The following LAMB3 variants were observed in gnomAD, a reference collection of about 807,000 sequenced individuals.
The protein encoded by LAMB3 is laminin subunit beta-3.
In LAMB3, 104 loss-of-function variants were observed where a neutral mutation model predicts 140.3. The observed-to-expected ratio is 0.74, with a 90% CI of 0.63 to 0.87. LAMB3 has a LOEUF of 0.87. LAMB3 is among the 40% of genes least tolerant of loss of function. The probability of loss-of-function intolerance (pLI) is 0.00; values close to 1 mark genes in which losing one functional copy is unlikely to be tolerated. For synonymous variants in LAMB3, 592 were observed against 602.9 expected (o/e 0.98, Z 0.26); for missense variants, 1,531 against 1,575.2 (o/e 0.97, Z 0.47).
intron 18 of LAMB3, among the ~76,000 whole-genome samples, chr1:209,621,727 C>A (rs957774912): frequency 6.6e-6 from 1 of 152,176 alleles, no homozygotes; most frequent in Non-Finnish European, 1.5e-5. Context: ...CACGAGTCTC[C>A]CGGGTCCTGT....
chr1:209,616,600 A>G lies in LAMB3; in HGVS notation c.3253T>C (p.Tyr1085His). The change falls in exon 22 of 23, where the codon TAT becomes CAT. Residue 1085 changes from tyrosine (Y) to histidine (H), a missense_variant. Tyr to His is a moderately conservative substitution (Grantham distance 83). Coordinates refer to ENST00000356082, the MANE Select transcript of LAMB3 (RefSeq NM_000228.3). Reference sequence around the variant, plus strand: ...CCCAACCGGTCCTTCAACTCAGCATACTTTTGTTTTATTCTCTCAAATCCC... The same window carrying G: ...CCCAACCGGTCCTTCAACTCAGCATGCTTTTGTTTTATTCTCTCAAATCCC... ...QEGFERIKQK[Y>H]AELKDRLGQS... 1.2e-6 allele frequency: 2 copies of G among 1,614,048 alleles called. No individual in the cohort carries two copies. The highest frequency in any genetic ancestry group is 1.1e-5 in the South Asian group (1 of 91,076).
chr1:209,632,622 G>C lies in LAMB3; in HGVS notation c.783C>G (p.Pro261=). ...FCHGHADRCA[P]KPGASAGPST... Reference sequence around the variant, plus strand: ...AGGGGCCTGCAGAGGCCCCAGGCTTGGGTGCGCAGCGATCAGCATGGCCGT... The same window carrying C: ...AGGGGCCTGCAGAGGCCCCAGGCTTCGGTGCGCAGCGATCAGCATGGCCGT... Residue 261 remains proline, a synonymous_variant, in exon 8 of 23, where the codon CCC becomes CCG. Transcript: ENST00000356082. 1 of 1,614,092 alleles carries C rather than the reference G, an allele frequency of 6.2e-7. No individual in the cohort carries two copies. The highest frequency in any genetic ancestry group is 8.5e-7 in the Non-Finnish European group (1 of 1,179,952).
Position 209,623,245 on chromosome 1 carries a change from C to T in LAMB3, c.2359-66G>A, listed in dbSNP as rs1348143450. The T allele has an allele frequency of 3.3e-6, 5 of 1,503,400 alleles. No homozygotes were observed. Among genetic ancestry groups the T allele is most frequent in the Non-Finnish European group, 4.6e-6 (5 of 1,086,512 alleles). The allele number at this position is 1,503,400 out of a possible 1,614,324, so 93.1% of individuals were successfully genotyped here. A position where few individuals can be genotyped will look rare whatever the true frequency, so the allele number is the denominator to read the frequency against. ...CCTCAATAACCAATCCCACCCCACA[C>T]CTGGGAAACCAACAGCCAGACATCT... On this transcript the variant is annotated intron_variant, in intron 16 of 22. Transcript: ENST00000356082. The surrounding 1 kb of genome is among the most constrained non-coding windows in gnomAD (Gnocchi z 4.2).
intron 14 of LAMB3, among the ~76,000 whole-genome samples, chr1:209,624,598 C>T (rs1438389811): frequency 1.3e-5 from 2 of 152,212 alleles, no homozygotes; most frequent in Non-Finnish European, 2.9e-5. Flanking sequence ...ACAGAACGCC[C>T]TTCCATGGAA....
At chr1:209,631,696 T>A (rs1571819870) in intron 8 of LAMB3, among the ~76,000 whole-genome samples, 4 of 152,290 alleles carry the variant, frequency 2.6e-5, no homozygotes, top group Admixed American at 2.6e-4. Context: ...TGTCATAGCA[T>A]GTTGTATTCC....
In LAMB3 at chr1:209,623,913, G is replaced by A; in HGVS notation, c.2064C>T (p.Ser688=). ...GATACATAGTAAGGAGACCATTGAA[G>A]CTTCTGTCAAGACTCTCCAGGTCTC... is the stretch of plus-strand genomic sequence containing the variant. ...LPRDLESLDR[S]FNGLLTMYQR... The change falls in exon 15 of 23, where the codon AGC becomes AGT. Residue 688 remains serine (S), a synonymous_variant. Transcript: ENST00000356082. This position sits in a 1 kb window ranked among gnomAD's most constrained non-coding sequence, Gnocchi z 4.2. 2 of 1,614,162 alleles carry A rather than the reference G, an allele frequency of 1.2e-6. No homozygotes were observed. Among genetic ancestry groups the A allele is most frequent in the Non-Finnish European group, 8.5e-7 (1 of 1,180,004 alleles).
intron 18 of LAMB3, chr1:209,618,895 G>A (rs1447679513): frequency 1.7e-6 from 1 of 583,438 alleles, no homozygotes; most frequent in Non-Finnish European, 3.1e-6. Flanking sequence ...GAGGAGGAGG[G>A]GTGTCGTCAC....
intron 5 of LAMB3, among the ~76,000 whole-genome samples, chr1:209,635,538 A>G (rs905305417): frequency 7.9e-5 from 12 of 152,104 alleles, no homozygotes; most frequent in African/African-American, 2.7e-4. Context: ...GAGTAGCTGG[A>G]ATTACAGGCG....
Position 209,634,487 on chromosome 1 carries a change from G to A in LAMB3, c.524C>T (p.Ser175Phe). ...PQSWQDVRCQ[S>F]LPQRPNARLN... ...GCGTGCATTAGGCCTCTGAGGCAGG[G>A]ACTGGCACCGAACATCCTGCCAGCT... Residue 175 changes from serine to phenylalanine, a missense_variant, in exon 6 of 23, where the codon TCC becomes TTC. Physicochemically the swap from Ser to Phe is radical, Grantham distance 155 (BLOSUM62 -2). Coordinates refer to ENST00000356082, the MANE Select transcript of LAMB3 (RefSeq NM_000228.3). The A allele has an allele frequency of 6.2e-7, 1 of 1,614,106 alleles. No homozygotes were observed. Among genetic ancestry groups the A allele is most frequent in the Non-Finnish European group, 8.5e-7 (1 of 1,180,026 alleles).
intron 3 of LAMB3, among the ~76,000 whole-genome samples, chr1:209,640,462 C>T (rs2076458249): frequency 6.6e-6 from 1 of 151,678 alleles, no homozygotes. Flanking sequence ...GCAAGAGAAT[C>T]GCTTGAACTT....
At position 209,623,849 on chromosome 1, in the gene LAMB3, C is replaced by A; in HGVS notation, c.2128G>T (p.Asp710Tyr). The A allele has an allele frequency of 6.2e-7, 1 of 1,614,202 alleles. No homozygotes were observed. Among genetic ancestry groups the A allele is most frequent in the Non-Finnish European group, 8.5e-7 (1 of 1,180,036 alleles). The change falls in exon 15 of 23, where the codon GAT (aspartate) becomes TAT (tyrosine). Residue 710 changes from aspartate to tyrosine, a missense_variant. Physicochemically the swap from Asp to Tyr is radical, Grantham distance 160. Coordinates refer to ENST00000356082, the MANE Select transcript of LAMB3 (RefSeq NM_000228.3). The surrounding 1 kb of genome is among the most constrained non-coding windows in gnomAD (Gnocchi z 4.2). ...GTGCCCCTCTCCTCACCTGAAGGAT[C>A]AGCACTGCTTATTTTTTCAAACTGC... ...REQFEKISSA[D>Y]PSGAFRMLST...
intron 5 of LAMB3, among the ~76,000 whole-genome samples, chr1:209,637,384 T>C (rs1037001194): frequency 2.0e-5 from 3 of 152,030 alleles, no homozygotes; most frequent in Non-Finnish European, 4.4e-5. Flanking sequence ...CCTATGGCAA[T>C]TAAATGAAAA....
intron 8 of LAMB3, among the ~76,000 whole-genome samples, chr1:209,632,119 T>A (rs1666713072): frequency 6.6e-6 from 1 of 152,200 alleles, no homozygotes; most frequent in Admixed American, 6.5e-5. Flanking sequence ...TACTAAACAT[T>A]GGTCTCTCAC....
chr1:209,637,754 C>A (rs1475360318), intron 5 of LAMB3, among the ~76,000 whole-genome samples, 154 bp downstream of exon 5: 1 of 152,114 alleles, frequency 6.6e-6, no homozygotes, highest in Non-Finnish European at 1.5e-5. Flanking sequence ...CCACTTTTAG[C>A]CCAGGAGCGA....
chr1:209,642,094 T>C (rs1032313077), intron 3 of LAMB3, among the ~76,000 whole-genome samples: 4 of 152,194 alleles, frequency 2.6e-5, no homozygotes, highest in African/African-American at 9.7e-5. Context: ...GAAATGCCCC[T>C]GATACTCCCA....
chr1:209,639,558 G>C (rs1571830347), intron 3 of LAMB3, among the ~76,000 whole-genome samples: 1 of 152,290 alleles, frequency 6.6e-6, no homozygotes, highest in East Asian at 1.9e-4. Context: ...AAGAAAAAGA[G>C]CATGGCCAGA....
At position 209,625,957 on chromosome 1, in the gene LAMB3, C is replaced by T. The variant is rs371013768; in HGVS notation, c.1667G>A (p.Arg556His). The T allele has an allele frequency of 4.9e-4, 794 of 1,613,806 alleles. 5 individuals carry two copies. The South Asian group carries it at 7.6e-3, about 16-fold the overall frequency. ...CDKASGRCLCRPGLTGPRCDQ... is the reference protein window; with the variant it reads ...CDKASGRCLCHPGLTGPRCDQ... ...ACAGCGGGGCCCGGTCAAGCCAGGG[C>T]GGCAGAGGCAGCGGCCTGATGCCTT... The change falls in exon 14 of 23, where the codon CGC becomes CAC. Residue 556 changes from arginine (R) to histidine (H), a missense_variant. Coordinates refer to ENST00000356082, the MANE Select transcript of LAMB3 (RefSeq NM_000228.3).
At chr1:209,633,839 T>C (rs1026579473) in intron 6 of LAMB3, among the ~76,000 whole-genome samples, 1 of 152,168 alleles carries the variant, frequency 6.6e-6, no homozygotes, top group Non-Finnish European at 1.5e-5. Context: ...CAGCCTCCTC[T>C]GCCAGGGGAT....
chr1:209,623,976 C>A lies in LAMB3; in HGVS notation c.2001G>T (p.Leu667=), dbSNP rs1485752994. 1 of 1,613,858 alleles carries A rather than the reference C, an allele frequency of 6.2e-7. No homozygotes were observed. Among genetic ancestry groups the A allele is most frequent in the Non-Finnish European group, 8.5e-7 (1 of 1,180,018 alleles). The stretch of plus-strand genomic sequence containing the variant: ...ACGTCTCCTCCTCCAGGGGCAGATC[C>A]AGCTGCAGGCCCTGGAGAGTTCGCC... The part of the protein sequence containing the change: ...SLRRTLQGLQ[L]DLPLEEETLS... The change falls in exon 15 of 23, where the codon CTG becomes CTT. Residue 667 remains leucine, a synonymous_variant. Coordinates refer to ENST00000356082, the MANE Select transcript of LAMB3 (RefSeq NM_000228.3). The surrounding 1 kb of genome is among the most constrained non-coding windows in gnomAD (Gnocchi z 4.2).
Sources: gnomAD v4.1 joint callset for allele counts (sites outside exome capture counted in the v4.1 genomes callset) on GRCh38, gnomAD v4.1.1 for gene constraint, Gnocchi (gnomAD v3.1) non-coding constraint, MANE v1.5 for transcripts, NCBI Gene and HGNC (gene_info 2026-07-23, HGNC 2026-07-21) for gene names.